UGT1A7: variants seen among roughly 807,000 people sequenced by gnomAD.
The protein encoded by UGT1A7 is UDP glucuronosyltransferase family 1 member A7, also known as UDP-glucuronosyltransferase 1A7.
A neutral mutation model predicts 45.6 loss-of-function variants in UGT1A7; 33 were observed. The observed-to-expected ratio is 0.72, with a 90% CI of 0.55 to 0.97. UGT1A7 has a LOEUF of 0.97. Among genes scored for constraint, UGT1A7 ranks in the 50% least tolerant of loss-of-function variants. The pLI is 0.00. For synonymous variants in UGT1A7, 274 were observed against 250.6 expected (o/e 1.09, Z -0.88); for missense variants, 684 against 666.2 (o/e 1.03, Z -0.29).
chr2:233,765,286 A>G (rs1698795381), intron 1 of UGT1A7, among the ~76,000 whole-genome samples: 1 of 152,246 alleles, frequency 6.6e-6, no homozygotes. Flanking sequence ...AAATTATTCT[A>G]CTATAAAGAC....
intron 1 of UGT1A7, among the ~76,000 whole-genome samples, chr2:233,756,923 C>T (rs1696357970): frequency 1.3e-5 from 2 of 151,968 alleles, no homozygotes; most frequent in South Asian, 4.2e-4. Context: ...GTTTATATAA[C>T]CTCTAGTTAC....
At chr2:233,709,130 G>C (rs569076662) in intron 1 of UGT1A7, among the ~76,000 whole-genome samples, 1 of 152,068 alleles carries the variant, frequency 6.6e-6, no homozygotes, top group African/African-American at 2.4e-5. Flanking sequence ...TGGTGGCCAA[G>C]GGGATGAGAC....
intron 1 of UGT1A7, chr2:233,713,516 C>A: frequency 1.2e-6 from 2 of 1,613,934 alleles, no homozygotes; most frequent in Non-Finnish European, 1.7e-6. Context: ...TCTTGAGGAA[C>A]ATTCCATGTG....
intron 1 of UGT1A7, 25 bp from the exon 2 acceptor site, chr2:233,767,005 TTAAC>T (rs753326341): frequency 3.7e-6 from 6 of 1,613,726 alleles, no homozygotes; most frequent in Non-Finnish European, 5.1e-6. Flanking sequence ...TGAGAAAAAA[TTAAC>T]TGAAAATTTT....
At position 233,768,210 on chromosome 2, in the gene UGT1A7, T is replaced by G; in HGVS notation, c.1076-10T>G. 1 of 1,614,186 alleles carries G rather than the reference T, an allele frequency of 6.2e-7. No individual in the cohort carries two copies. The highest frequency in any genetic ancestry group is 1.1e-5 in the South Asian group (1 of 91,084). On this transcript the variant is annotated splice_polypyrimidine_tract_variant and intron_variant, in intron 3 of 4. Transcript: ENST00000373426. Reference sequence around the variant, plus strand: ...GTAACTGCTGACATCCTCCCTATTTTGCATCTCAGGTCACCCGATGACCCG... The same window carrying G: ...GTAACTGCTGACATCCTCCCTATTTGGCATCTCAGGTCACCCGATGACCCG...
At chr2:233,747,700 A>T (rs538337941) in intron 1 of UGT1A7, 1 of 1,612,078 alleles carries the variant, frequency 6.2e-7, no homozygotes, top group African/African-American at 1.3e-5. Context: ...GTGCTGGCTA[A>T]GTACCTATCA....
At chr2:233,758,949 A>G (rs1697026086) in intron 1 of UGT1A7, among the ~76,000 whole-genome samples, 1 of 152,184 alleles carries the variant, frequency 6.6e-6, no homozygotes, top group Non-Finnish European at 1.5e-5. Flanking sequence ...AGTCATCAGA[A>G]TTTCCCCAAA....
rs34459843 is a variant in UGT1A7, at chr2:233,690,776, TACACACACACAC to T, written c.855+7997_855+8008del. On this transcript the variant is annotated intron_variant, in intron 1 of 4. Coordinates refer to ENST00000373426, the MANE Select transcript of UGT1A7 (RefSeq NM_019077.3). ...GTGCAGACATACACACACACACACA[TACACACACACAC>T]ACACACACACACCATTCTTAGTACA... The T allele has an allele frequency of 9.2e-4, 975 of 1,063,530 alleles. 12 individuals are homozygous for T. The African/African-American group carries it at 0.016, about 17-fold the overall frequency. 65.9% of individuals were successfully genotyped at this position (1,063,530 alleles called of 1,614,324 possible).
chr2:233,705,482 AATG>A (rs1195612054), intron 1 of UGT1A7, among the ~76,000 whole-genome samples: 1 of 152,198 alleles, frequency 6.6e-6, no homozygotes, highest in Non-Finnish European at 1.5e-5. Context: ...AGGCAAATTT[AATG>A]ATAATAAATA....
chr2:233,718,017 C>T (rs2076622656), intron 1 of UGT1A7: 3 of 393,308 alleles, frequency 7.6e-6, no homozygotes, highest in South Asian at 1.9e-5. Flanking sequence ...CAGGCTCCAG[C>T]TCCCCAGGTC....
At position 233,772,732 on chromosome 2, in the gene UGT1A7, A is replaced by G. The variant is rs1259415832; in HGVS notation, c.*173A>G. On this transcript the variant is annotated 3_prime_UTR_variant, in exon 5 of 5. Transcript: ENST00000373426. ...CTTAAATAAAAATAATAGACTCGCT[A>G]GTCAGTAAAGATATTTGAATATGTA... 4.9e-6 allele frequency: 7 copies of G among 1,442,298 alleles called. No homozygotes were observed. Among genetic ancestry groups the G allele is most frequent in the Non-Finnish European group, 6.4e-6 (7 of 1,099,406 alleles). The allele number at this position is 1,442,298 out of a possible 1,614,324, so 89.3% of individuals were successfully genotyped here.
chr2:233,700,829 G>A (rs890006339), intron 1 of UGT1A7, among the ~76,000 whole-genome samples: 7 of 151,704 alleles, frequency 4.6e-5, no homozygotes, highest in African/African-American at 1.7e-4. Context: ...CCATTAACTC[G>A]TCATTTAGCA....
Position 233,767,165 on chromosome 2 carries a change from A to G in UGT1A7, c.987A>G (p.Thr329=). 2.5e-6 allele frequency: 4 copies of G among 1,614,130 alleles called. No individual in the cohort carries two copies. Among genetic ancestry groups the G allele is most frequent in the Non-Finnish European group, 3.4e-6 (4 of 1,180,004 alleles). ...IADALGKIPQ[T]VLWRYTGTRP... is the part of the protein sequence containing the mutation. ...ATGCTTTGGGCAAAATCCCTCAGAC[A>G]GTAAGAAGATTCTATACCATGGCCT... The change falls in exon 2 of 5, where the codon ACA becomes ACG. Residue 329 remains threonine (T), a splice_region_variant and synonymous_variant. Transcript: ENST00000373426.
chr2:233,718,364 C>T (rs3732221), intron 1 of UGT1A7, among the ~76,000 whole-genome samples: 15,455 of 152,278 alleles, frequency 0.1, 904 homozygotes, highest in East Asian at 0.2. Flanking sequence ...GTGTTATTCA[C>T]ATATGAGAAG....
At chr2:233,754,155 A>T (rs1695407663) in intron 1 of UGT1A7, 1 of 153,430 alleles carries the variant, frequency 6.5e-6, no homozygotes, top group Admixed American at 6.4e-5. Flanking sequence ...AAATTAAGCC[A>T]GAGTATTAAT....
chr2:233,687,875 T>C (rs903135519), intron 1 of UGT1A7, among the ~76,000 whole-genome samples: 2 of 152,110 alleles, frequency 1.3e-5, no homozygotes, highest in African/African-American at 4.8e-5. Context: ...TCCACTCCAC[T>C]CCAGCCTGGG....
intron 1 of UGT1A7, among the ~76,000 whole-genome samples, chr2:233,736,594 G>A (rs1196858563): frequency 2.0e-5 from 3 of 152,156 alleles, no homozygotes; most frequent in African/African-American, 7.2e-5. Flanking sequence ...ATGTGCTTAT[G>A]CGCTATGGTT....
chr2:233,717,657 C>T (rs2076595751), intron 1 of UGT1A7: 1 of 407,814 alleles, frequency 2.5e-6, no homozygotes, highest in South Asian at 1.8e-5. Context: ...GACAAGGAAG[C>T]ATCAGCAATC....
chr2:233,727,330 C>T (rs574704586), intron 1 of UGT1A7, among the ~76,000 whole-genome samples: 1 of 152,238 alleles, frequency 6.6e-6, no homozygotes, highest in East Asian at 1.9e-4. Flanking sequence ...ACCAGGAGCT[C>T]CTCCCTCCCC....
Sources: gnomAD v4.1 joint callset for allele counts (sites outside exome capture counted in the v4.1 genomes callset) on GRCh38, gnomAD v4.1.1 for gene constraint, MANE v1.5 for transcripts, NCBI Gene and HGNC (gene_info 2026-07-23, HGNC 2026-07-21) for gene names.